ZBED4: variants seen among roughly 807,000 people sequenced by gnomAD.
ZBED4 encodes zinc finger BED domain-containing protein 4.
ZBED4 carries 4 observed loss-of-function variants against 15.5 expected under a neutral mutation model. The ratio of observed to expected loss-of-function variants is 0.26; its 90% CI spans 0.13 to 0.59. The LOEUF (loss-of-function observed/expected upper bound fraction) is 0.59, where lower values mean the gene tolerates loss of function less well. Among genes scored for constraint, ZBED4 ranks in the 20% least tolerant of loss-of-function variants. The probability of loss-of-function intolerance (pLI) is 0.90; values close to 1 mark genes in which losing one functional copy is unlikely to be tolerated. For missense variants in ZBED4, 1,323 were observed against 1,461.8 expected, an observed-to-expected ratio of 0.91 and a Z score of 1.55; for synonymous variants, 692 against 608.5, an observed-to-expected ratio of 1.14 and a Z score of -2.02.
Position 49,885,818 on chromosome 22 carries a change from A to G in ZBED4, c.2156A>G (p.His719Arg), listed in dbSNP as rs1378171377. The part of the protein sequence containing the change: ...YDNVKQIIMS[H>R]LKEAESGVIH... ...AATGTGAAGCAGATAATTATGTCCC[A>G]CCTTAAGGAAGCTGAGAGTGGTGTG... The change falls in exon 2 of 2, where the codon CAC becomes CGC. Residue 719 changes from histidine (H) to arginine (R), a missense_variant. Around this residue, in one of 6 missense-constraint regions of ZBED4, gnomAD observed 89 missense variants for 129.8 expected, o/e 0.69. Transcript: ENST00000216268. 7 of 1,581,260 alleles carry G rather than the reference A, an allele frequency of 4.4e-6. No homozygotes were observed. The African/African-American group carries it at 5.4e-5, about 12-fold the overall frequency.
intron 1 of ZBED4, among the ~76,000 whole-genome samples, chr22:49,880,471 T>TGGAAGCCC: frequency 6.6e-6 from 1 of 152,346 alleles, no homozygotes; most frequent in African/African-American, 2.4e-5. Flanking sequence ...CCTGGAAGCC[T>TGGAAGCCC]GGAAGCCCCG....
At chr22:49,878,854 C>T (rs1447128306) in intron 1 of ZBED4, among the ~76,000 whole-genome samples, 1 of 151,778 alleles carries the variant, frequency 6.6e-6, no homozygotes, top group Non-Finnish European at 1.5e-5. Context: ...AAAAAATGAG[C>T]CGGGAGTGGG....
At chr22:49,858,811 GA>G (rs1381251873) in intron 1 of ZBED4, among the ~76,000 whole-genome samples, 2 of 152,176 alleles carry the variant, frequency 1.3e-5, no homozygotes, top group Admixed American at 1.3e-4. Context: ...TTCCCAACCA[GA>G]ATCGAGTACA....
intron 1 of ZBED4, among the ~76,000 whole-genome samples, chr22:49,863,584 G>A (rs1463010284): frequency 5.3e-5 from 8 of 150,074 alleles, no homozygotes; most frequent in Non-Finnish European, 1.0e-4. Flanking sequence ...CTGAGATCGC[G>A]CCACCGCACT....
intron 1 of ZBED4, among the ~76,000 whole-genome samples, chr22:49,879,573 G>C (rs150130584): frequency 6.8e-6 from 1 of 146,732 alleles, no homozygotes; most frequent in Non-Finnish European, 1.5e-5. Context: ...TTATTGGTTG[G>C]TTTTTCTCCT....
chr22:49,871,930 G>T (rs1281073771), intron 1 of ZBED4, among the ~76,000 whole-genome samples: 1 of 151,958 alleles, frequency 6.6e-6, no homozygotes. Context: ...ATTTTTAGTA[G>T]AGACGAGGTT....
At chr22:49,870,838 G>A (rs1476898947) in intron 1 of ZBED4, among the ~76,000 whole-genome samples, 2 of 151,948 alleles carry the variant, frequency 1.3e-5, no homozygotes, top group African/African-American at 4.8e-5. Flanking sequence ...TTAGGTCCCA[G>A]TTGTCAATTT....
intron 1 of ZBED4, among the ~76,000 whole-genome samples, chr22:49,862,845 G>T (rs1382355293): frequency 6.6e-6 from 1 of 151,824 alleles, no homozygotes; most frequent in Non-Finnish European, 1.5e-5. Context: ...GGGATTACAG[G>T]TGCCCACCAC....
intron 1 of ZBED4, among the ~76,000 whole-genome samples, chr22:49,860,096 C>T (rs542486301): frequency 1.4e-4 from 21 of 148,848 alleles, no homozygotes; most frequent in South Asian, 4.3e-4. Context: ...TCAGGAGTTC[C>T]AGACCAGTCT....
chr22:49,886,846 G>A lies in ZBED4; in HGVS notation c.3184G>A (p.Glu1062Lys). Residue 1062 changes from glutamate to lysine, a missense_variant, in exon 2 of 2, where the codon GAG (glutamate) becomes AAG (lysine). By Grantham distance (56) the Glu-to-Lys change is moderately conservative. Coordinates refer to ENST00000216268, the MANE Select transcript of ZBED4 (RefSeq NM_014838.3). The surrounding 1 kb of genome is among the most constrained non-coding windows in gnomAD (Gnocchi z 7.7). ...CCCGTCGAAAGACTCTGCCGCAGAG[G>A]AGAACCTGTGGTCACTTGTGGCCAA... ...GSPSKDSAAE[E>K]NLWSLVAKVK... 1 of 1,614,068 alleles carries A rather than the reference G, an allele frequency of 6.2e-7. No individual in the cohort carries two copies. The highest frequency in any genetic ancestry group is 1.1e-5 in the South Asian group (1 of 91,084).
chr22:49,858,191 C>T (rs752197317), intron 1 of ZBED4, among the ~76,000 whole-genome samples: 8 of 152,208 alleles, frequency 5.3e-5, no homozygotes, highest in Non-Finnish European at 7.3e-5. Context: ...CGTGAGCCAC[C>T]GTGCCCGGCC....
Position 49,883,874 on chromosome 22 carries a change from C to G in ZBED4, c.212C>G (p.Pro71Arg). 6.2e-7 allele frequency: 1 copy of G among 1,605,866 alleles called. No homozygotes were observed. The highest frequency in any genetic ancestry group is 1.7e-5 in the Admixed American group (1 of 59,404). ...GGGACGGGTTGCAGCTGCAAGCCCCCGGGGAAGTACTTGTCTGCAGAGAGT... is the reference window on the plus strand; with the variant it reads ...GGGACGGGTTGCAGCTGCAAGCCCCGGGGGAAGTACTTGTCTGCAGAGAGT... Reference protein sequence around the residue: ...LGGTGCSCKPPGKYLSAESED... With the variant: ...LGGTGCSCKPRGKYLSAESED... Residue 71 changes from proline to arginine, a missense_variant, in exon 2 of 2, where the codon CCG becomes CGG. By Grantham distance (103) the Pro-to-Arg change is moderately radical. Transcript: ENST00000216268.
At chr22:49,864,820 CAAAAAAAAAA>C (rs71196384) in intron 1 of ZBED4, among the ~76,000 whole-genome samples, 2 of 66,992 alleles carry the variant, frequency 3.0e-5, no homozygotes, top group African/African-American at 2.0e-4. Context: ...ACCCTGTCTC[CAAAAAAAAAA>C]AAAAAAAAAG....
At chr22:49,871,018 G>A (rs2060344593) in intron 1 of ZBED4, among the ~76,000 whole-genome samples, 1 of 149,208 alleles carries the variant, frequency 6.7e-6, no homozygotes, top group Admixed American at 6.7e-5. Flanking sequence ...TTGGCTAACT[G>A]CAACCTCCAT....
At position 49,886,628 on chromosome 22, in the gene ZBED4, T is replaced by C; in HGVS notation, c.2966T>C (p.Met989Thr). ...DTMLRSLKEAMVSRLSATLHD... is the reference protein window; with the variant it reads ...DTMLRSLKEATVSRLSATLHD... ...ATGCTGCGCTCTCTGAAGGAGGCCA[T>C]GGTGAGCCGCCTGTCTGCCACCCTC... Residue 989 changes from methionine to threonine, a missense_variant, in exon 2 of 2, where the codon ATG becomes ACG. Transcript: ENST00000216268. This position sits in a 1 kb window ranked among gnomAD's most constrained non-coding sequence, Gnocchi z 7.7. 6.3e-7 allele frequency: 1 copy of C among 1,584,294 alleles called. No homozygotes were observed. Among genetic ancestry groups the C allele is most frequent in the Non-Finnish European group, 8.6e-7 (1 of 1,166,106 alleles).
intron 1 of ZBED4, among the ~76,000 whole-genome samples, chr22:49,870,751 T>C (rs2060342949): frequency 6.6e-6 from 1 of 152,162 alleles, no homozygotes; most frequent in South Asian, 2.1e-4. Flanking sequence ...TATTTTCTCT[T>C]ATTCAGTGGG....
rs553822800 is a variant in ZBED4, at chr22:49,873,098, T to C, written c.-329-10236T>C. On this transcript the variant is annotated intron_variant, in intron 1 of 1. Coordinates refer to ENST00000216268, the MANE Select transcript of ZBED4 (RefSeq NM_014838.3). ...CACCTGCCTTGGCCTCCCAAGGTGCTGGGATTACAGACATGAGCCACTACA... is the reference window on the plus strand; with the variant it reads ...CACCTGCCTTGGCCTCCCAAGGTGCCGGGATTACAGACATGAGCCACTACA... Among the ~76,000 whole-genome samples, 198 of 152,334 alleles carry C rather than the reference T, an allele frequency of 1.3e-3. 2 individuals are homozygous for C. Among genetic ancestry groups the C allele is most frequent in the Middle Eastern group, 3.4e-3 (1 of 294 alleles).
At chr22:49,879,552 C>T (rs935005745) in intron 1 of ZBED4, among the ~76,000 whole-genome samples, 3 of 148,694 alleles carry the variant, frequency 2.0e-5, no homozygotes, top group Non-Finnish European at 3.0e-5. Context: ...GTCTTATGTC[C>T]GGGCCTGTTT....
At chr22:49,863,286 A>G (rs754049194) in intron 1 of ZBED4, among the ~76,000 whole-genome samples, 6 of 152,140 alleles carry the variant, frequency 3.9e-5, no homozygotes, top group Admixed American at 2.0e-4. Flanking sequence ...CAGCCTCCCT[A>G]ATAACTGGGA....
Sources: gnomAD v4.1 joint callset for allele counts (sites outside exome capture counted in the v4.1 genomes callset) on GRCh38, gnomAD v4.1.1 for gene constraint, gnomAD v4.1.1 regional missense constraint, Gnocchi (gnomAD v3.1) non-coding constraint, MANE v1.5 for transcripts, NCBI Gene and HGNC (gene_info 2026-07-23, HGNC 2026-07-21) for gene names.